HNRNPUL1: variants seen among roughly 807,000 people sequenced by gnomAD.
HNRNPUL1 encodes heterogeneous nuclear ribonucleoprotein U-like protein 1.
Under a neutral mutation model 108.5 loss-of-function variants are expected in HNRNPUL1, and 14 were observed. That is an observed-to-expected ratio of 0.13 (90% confidence interval 0.09 to 0.20). The LOEUF is 0.20. Among genes scored for constraint, HNRNPUL1 ranks in the 10% least tolerant of loss-of-function variants. The pLI, the probability that HNRNPUL1 is intolerant of heterozygous loss-of-function variation, is 1.00. For synonymous variants in HNRNPUL1, 422 were observed against 445.2 expected (o/e 0.95, Z 0.66); for missense variants, 804 against 1,168.3 (o/e 0.69, Z 4.55).
intron 1 of HNRNPUL1, among the ~76,000 whole-genome samples, chr19:41,267,342 G>A (rs1267460191): frequency 3.3e-5 from 5 of 152,168 alleles, no homozygotes; most frequent in Non-Finnish European, 1.5e-5. Context: ...CTGGGGAAAA[G>A]AGGCTTTGTG....
chr19:41,265,806 G>A (rs1022174482), intron 1 of HNRNPUL1, among the ~76,000 whole-genome samples: 3 of 152,022 alleles, frequency 2.0e-5, no homozygotes, highest in Non-Finnish European at 2.9e-5. Flanking sequence ...GGAGACAGAG[G>A]ATCCTGTGTC....
chr19:41,266,459 C>A (rs2034850314), intron 1 of HNRNPUL1, among the ~76,000 whole-genome samples: 1 of 147,852 alleles, frequency 6.8e-6, no homozygotes, highest in African/African-American at 2.6e-5. Context: ...AGCTTTCTTT[C>A]TCTTTTTTTT....
intron 14 of HNRNPUL1, among the ~76,000 whole-genome samples, chr19:41,306,161 G>A (rs935806309): frequency 6.6e-6 from 1 of 152,222 alleles, no homozygotes; most frequent in Admixed American, 6.5e-5. Context: ...AAATCCTGCT[G>A]CAGGTTGGTG....
At chr19:41,291,408 C>T (rs1022739632) in intron 7 of HNRNPUL1, among the ~76,000 whole-genome samples, 2 of 152,260 alleles carry the variant, frequency 1.3e-5, no homozygotes, top group East Asian at 3.9e-4. Flanking sequence ...TTCGAAAAGG[C>T]CCTGCGGTGG....
Position 41,296,832 on chromosome 19 carries a change from C to G in HNRNPUL1, c.1518+2146C>G, listed in dbSNP as rs1265016585. Among the ~76,000 whole-genome samples the G allele has an allele frequency of 2.6e-5, 4 of 152,222 alleles. No individual in the cohort carries two copies. In the East Asian group the frequency reaches 7.7e-4, roughly 29 times the overall value. On this transcript the variant is annotated intron_variant, in intron 10 of 14. Transcript: ENST00000392006. ...TTCCTGGATCTCAGCCCAGAACCATCTTTTGCCTTTACTGGTTTTTCCTGA... is the reference window on the plus strand; with the variant it reads ...TTCCTGGATCTCAGCCCAGAACCATGTTTTGCCTTTACTGGTTTTTCCTGA...
Position 41,264,425 on chromosome 19 carries a change from T to A in HNRNPUL1, c.-79T>A. The A allele has an allele frequency of 8.3e-7, 1 of 1,201,480 alleles. No individual in the cohort carries two copies. The highest frequency in any genetic ancestry group is 1.1e-6 in the Non-Finnish European group (1 of 942,780). 74.4% of individuals were successfully genotyped at this position (1,201,480 alleles called of 1,614,324 possible). ...GGCCCCCCCCCTTTCCCCCTTCGCC[T>A]CCTGACAGGAAAGGTTTAAGGGGGA... On this transcript the variant is annotated 5_prime_UTR_variant, in exon 1 of 15. Coordinates refer to ENST00000392006, the MANE Select transcript of HNRNPUL1 (RefSeq NM_007040.6).
intron 1 of HNRNPUL1, chr19:41,265,042 T>C: frequency 8.5e-7 from 1 of 1,169,796 alleles, no homozygotes; most frequent in South Asian, 1.7e-5. Context: ...GGGACGGGGG[T>C]GGCGGGGAGG....
At chr19:41,265,761 G>A (rs1003153879) in intron 1 of HNRNPUL1, among the ~76,000 whole-genome samples, 3 of 152,036 alleles carry the variant, frequency 2.0e-5, no homozygotes, top group African/African-American at 4.8e-5. Flanking sequence ...GGGCAGATGA[G>A]TTGGTAACAT....
rs2123017681 is a variant in HNRNPUL1, at chr19:41,305,736, C to G, written c.2323C>G (p.Pro775Ala). 6.2e-7 allele frequency: 1 copy of G among 1,614,132 alleles called. No individual in the cohort carries two copies. Among genetic ancestry groups the G allele is most frequent in the East Asian group, 2.2e-5 (1 of 44,884 alleles). The change falls in exon 14 of 15, where the codon CCG (proline) becomes GCG (alanine). Residue 775 changes from proline (P) to alanine (A), a missense_variant. By Grantham distance (27) the Pro-to-Ala change is conservative (BLOSUM62 -1). Coordinates refer to ENST00000392006, the MANE Select transcript of HNRNPUL1 (RefSeq NM_007040.6). ...GGYSQGYTAP[P>A]PPPPPPPAYN... ...TTACAGCCAGGGCTACACAGCCCCA[C>G]CGCCTCCACCTCCACCACCACCTGC...
intron 10 of HNRNPUL1, among the ~76,000 whole-genome samples, chr19:41,296,276 A>G (rs527676972): frequency 2.8e-4 from 42 of 152,312 alleles, no homozygotes; most frequent in African/African-American, 1.0e-3. Context: ...AGCCAGGCCC[A>G]TGACAGCTTT....
At position 41,301,485 on chromosome 19, in the gene HNRNPUL1, A is replaced by C. The variant is rs2037208619; in HGVS notation, c.1519-51A>C. 3.2e-6 allele frequency: 5 copies of C among 1,542,746 alleles called. No individual in the cohort carries two copies. In the African/African-American group the frequency reaches 5.5e-5, roughly 17 times the overall value. ...CTACATAATACCCCTCAGAGGAAAA[A>C]ACCAACTCTTAATGTACCATCTCTT... On this transcript the variant is annotated intron_variant, in intron 10 of 14. Transcript: ENST00000392006.
chr19:41,306,506 G>A lies in HNRNPUL1; in HGVS notation c.2512G>A (p.Gly838Arg), dbSNP rs1243954930. The A allele has an allele frequency of 6.2e-6, 10 of 1,606,326 alleles. No individual in the cohort carries two copies. Among genetic ancestry groups the A allele is most frequent in the Non-Finnish European group, 8.5e-6 (10 of 1,176,686 alleles). Residue 838 changes from glycine to arginine, a missense_variant, in exon 15 of 15, where the codon GGG becomes AGG. Physicochemically the swap from Gly to Arg is moderately radical, Grantham distance 125. This residue lies in a region of HNRNPUL1 where 294 missense variants were observed against 388.3 expected (regional missense o/e 0.76). Coordinates refer to ENST00000392006, the MANE Select transcript of HNRNPUL1 (RefSeq NM_007040.6). ...CCAGGGCCAGTGGCCGCCATACTAC[G>A]GGAACTACGACTACGGGAGCTACTC... is the stretch of plus-strand genomic sequence containing the variant. The part of the protein sequence containing the change: ...QNQGQWPPYY[G>R]NYDYGSYSGN...
At position 41,271,967 on chromosome 19, in the gene HNRNPUL1, C is replaced by T. The variant is rs145789651; in HGVS notation, c.419-115C>T. 116 of 1,179,214 alleles carry T rather than the reference C, an allele frequency of 9.8e-5. No homozygotes were observed. The African/African-American group carries it at 1.6e-3, about 16-fold the overall frequency. 73.0% of individuals were successfully genotyped at this position (1,179,214 alleles called of 1,614,324 possible). Reference sequence around the variant, plus strand: ...ACTCAGCAAGCTGCCTGTGCCCAGCCCTTCATCACTGTAGTGAGGATCCTG... The same window carrying T: ...ACTCAGCAAGCTGCCTGTGCCCAGCTCTTCATCACTGTAGTGAGGATCCTG... On this transcript the variant is annotated intron_variant, in intron 2 of 14. Coordinates refer to ENST00000392006, the MANE Select transcript of HNRNPUL1 (RefSeq NM_007040.6).
chr19:41,287,883 T>C (rs2036334371), intron 7 of HNRNPUL1, among the ~76,000 whole-genome samples: 1 of 152,150 alleles, frequency 6.6e-6, no homozygotes, highest in African/African-American at 2.4e-5. Flanking sequence ...CAATAAAACA[T>C]TTTTAAAATG....
rs530302973 is a variant in HNRNPUL1, at chr19:41,268,945, A to G, written c.418+600A>G. ...CTTGAATCTTATTTAGAATCTTAGAATGGGGGAGCCAGAAAGAGCCTTCTA... is the reference window on the plus strand; with the variant it reads ...CTTGAATCTTATTTAGAATCTTAGAGTGGGGGAGCCAGAAAGAGCCTTCTA... On this transcript the variant is annotated intron_variant, in intron 2 of 14. Transcript: ENST00000392006. 8.5e-5 allele frequency among the ~76,000 whole-genome samples: 13 copies of G among 152,210 alleles called. No homozygotes were observed. The South Asian group carries it at 2.5e-3, about 29-fold the overall frequency.
intron 7 of HNRNPUL1, among the ~76,000 whole-genome samples, chr19:41,285,315 C>T (rs1458481867): frequency 3.9e-5 from 6 of 152,136 alleles, no homozygotes; most frequent in Non-Finnish European, 7.4e-5. Context: ...CAGCCCCCGC[C>T]TCCCCGGTTC....
intron 2 of HNRNPUL1, 97 bp downstream of exon 2, chr19:41,268,442 A>G (rs2034994982): frequency 7.5e-7 from 1 of 1,333,398 alleles, no homozygotes; most frequent in Non-Finnish European, 1.0e-6. Flanking sequence ...GAAACTGTGC[A>G]TCTTTTTTCT....
rs1465829083 is a variant in HNRNPUL1, at chr19:41,304,116, C to T, written c.2117C>T (p.Pro706Leu). The T allele has an allele frequency of 1.2e-6, 2 of 1,613,374 alleles. No individual in the cohort carries two copies. The highest frequency in any genetic ancestry group is 1.7e-5 in the Admixed American group (1 of 60,000). The change falls in exon 13 of 15, where the codon CCA becomes CTA. Residue 706 changes from proline (P) to leucine (L), a missense_variant. Pro to Leu is a moderately conservative substitution (Grantham distance 98). Coordinates refer to ENST00000392006, the MANE Select transcript of HNRNPUL1 (RefSeq NM_007040.6). ...PPPQQPPPPQ[P>L]PPQQPPPPPS... ...CCACAGCAGCCTCCGCCACCACAGC[C>T]ACCACCCCAGCAGCCACCGCCACCA...
At chr19:41,289,095 A>G (rs181348673) in intron 7 of HNRNPUL1, among the ~76,000 whole-genome samples, 332 of 152,166 alleles carry the variant, frequency 2.2e-3, no homozygotes, top group African/African-American at 7.8e-3. Context: ...AGTGTTTGCC[A>G]AAGTCTGTTC....
Sources: allele counts gnomAD v4.1 joint callset (sites outside exome capture counted in the v4.1 genomes callset), GRCh38; gene constraint gnomAD v4.1.1; regional missense constraint gnomAD v4.1.1; transcripts MANE v1.5; gene names NCBI Gene and HGNC (gene_info 2026-07-23, HGNC 2026-07-21).